The following HUNK variants were observed in gnomAD, a reference collection of about 807,000 sequenced individuals.
HUNK encodes the protein hormonally up-regulated neu tumor-associated kinase.
Under a neutral mutation model 61.0 loss-of-function variants are expected in HUNK, and 21 were observed. The observed-to-expected ratio is 0.34, with a 90% CI of 0.24 to 0.50. HUNK has a LOEUF of 0.50. HUNK is among the 20% of genes least tolerant of loss of function. The pLI, the probability that HUNK is intolerant of heterozygous loss-of-function variation, is 0.98. For missense variants in HUNK, 772 were observed against 945.7 expected, an observed-to-expected ratio of 0.82 and a Z score of 2.41; for synonymous variants, 371 against 386.1, an observed-to-expected ratio of 0.96 and a Z score of 0.46.
At chr21:31,986,181 G>T (rs1401705942) in intron 8 of HUNK, among the ~76,000 whole-genome samples, 1 of 151,928 alleles carries the variant, frequency 6.6e-6, no homozygotes. Flanking sequence ...AATCTAGCAC[G>T]CTCTGAACCA....
rs966458760 is a variant in HUNK at position 31,874,615 on chromosome 21, C to T, written c.261+680C>T. On this transcript the variant is annotated intron_variant, in intron 1 of 10. Coordinates refer to ENST00000270112, the MANE Select transcript of HUNK (RefSeq NM_014586.2). Reference sequence around the variant, plus strand: ...CCCCCTCATCACCCACCATTCTCATCCCCGCCATTCTCATCCCCTTCTCTC... The same window carrying T: ...CCCCCTCATCACCCACCATTCTCATTCCCGCCATTCTCATCCCCTTCTCTC... 4.3e-5 allele frequency among the ~76,000 whole-genome samples: 6 copies of T among 140,266 alleles called. No individual in the cohort carries two copies. In the South Asian group the frequency reaches 8.1e-4, roughly 19 times the overall value. 92.0% of individuals were successfully genotyped at this position (140,266 alleles called of 152,430 possible).
At chr21:31,943,960 C>T (rs1167863406) in intron 3 of HUNK, among the ~76,000 whole-genome samples, 2 of 152,236 alleles carry the variant, frequency 1.3e-5, no homozygotes, top group African/African-American at 2.4e-5. Context: ...ATGGTGCTGT[C>T]TCTCACAGTA....
At chr21:31,926,883 T>G (rs969583266) in intron 2 of HUNK, among the ~76,000 whole-genome samples, 1 of 152,114 alleles carries the variant, frequency 6.6e-6, no homozygotes, top group Admixed American at 6.5e-5. Flanking sequence ...TTTAAAAAAA[T>G]TCAACATTTA....
rs1246240478 is a variant in HUNK, at chr21:31,873,785, G to A, written c.111G>A (p.Leu37=). The A allele has an allele frequency of 1.3e-6, 2 of 1,530,868 alleles. No homozygotes were observed. Among genetic ancestry groups the A allele is most frequent in the Non-Finnish European group, 1.8e-6 (2 of 1,141,982 alleles). The allele number at this position is 1,530,868 out of a possible 1,614,324, so 94.8% of individuals were successfully genotyped here. Residue 37 remains leucine, a synonymous_variant, in exon 1 of 11, where the codon CTG becomes CTA. Transcript: ENST00000270112. This position sits in a 1 kb window ranked among gnomAD's most constrained non-coding sequence, Gnocchi z 6.1. The part of the protein sequence containing the change: ...RPAAACEGSF[L]PAWVSGVPRE... ...CGGCGGCCTGCGAGGGAAGTTTCCT[G>A]CCTGCCTGGGTGAGCGGCGTGCCCC...
intron 2 of HUNK, among the ~76,000 whole-genome samples, chr21:31,936,089 G>T (rs991198236): frequency 1.3e-5 from 2 of 152,148 alleles, no homozygotes; most frequent in Non-Finnish European, 2.9e-5. Context: ...GAGCCACCGC[G>T]CCCAACCTTA....
chr21:31,981,639 C>G (rs2053098170), intron 7 of HUNK, among the ~76,000 whole-genome samples: 1 of 151,952 alleles, frequency 6.6e-6, no homozygotes, highest in Non-Finnish European at 1.5e-5. Flanking sequence ...GCATTGCTTT[C>G]TTGATTTCAT....
chr21:31,899,385 G>A (rs1424351738), intron 1 of HUNK, among the ~76,000 whole-genome samples: 2 of 152,118 alleles, frequency 1.3e-5, no homozygotes, highest in Admixed American at 6.5e-5. Flanking sequence ...GCTTTGGCTT[G>A]TAGATGCCTC....
rs1387359278 is a variant in HUNK at position 32,003,484 on chromosome 21, T to G, written c.*4300T>G. ...GAAAGAATGCAAAACTGCTATCTTTTGGGGGAGTCTGGAAGCCTGTTGGTT... is the reference window on the plus strand; with the variant it reads ...GAAAGAATGCAAAACTGCTATCTTTGGGGGGAGTCTGGAAGCCTGTTGGTT... On this transcript the variant is annotated 3_prime_UTR_variant, in exon 11 of 11. Transcript: ENST00000270112. The G allele has an allele frequency of 6.6e-6, 1 of 152,192 alleles. No individual in the cohort carries two copies. Among genetic ancestry groups the G allele is most frequent in the Non-Finnish European group, 1.5e-5 (1 of 68,030 alleles). The allele number at this position is 152,192 out of a possible 1,614,324, so 9.4% of individuals were successfully genotyped here. A position where few individuals can be genotyped will look rare whatever the true frequency, so the allele number is the denominator to read the frequency against.
intron 1 of HUNK, among the ~76,000 whole-genome samples, chr21:31,908,748 C>T (rs1331082682): frequency 1.3e-5 from 2 of 152,148 alleles, no homozygotes; most frequent in Non-Finnish European, 2.9e-5. Context: ...TTGAGGCTTC[C>T]TCTCTGTTGT....
intron 1 of HUNK, among the ~76,000 whole-genome samples, chr21:31,916,717 C>T (rs1319019566): frequency 1.3e-5 from 2 of 151,676 alleles, no homozygotes; most frequent in African/African-American, 4.8e-5. Context: ...TGCTCTGTCA[C>T]CCAGGCTGGA....
Position 31,924,374 on chromosome 21 carries a change from A to G in HUNK, c.262-94A>G. 8.9e-7 allele frequency: 1 copy of G among 1,119,386 alleles called. No homozygotes were observed. The highest frequency in any genetic ancestry group is 1.3e-6 in the Non-Finnish European group (1 of 785,210). 69.3% of individuals were successfully genotyped at this position (1,119,386 alleles called of 1,614,324 possible). ...TAAGGTGTTTCTCCTCTGCAGAGACATAGCTAGCATTTTTCTTGGGTTCCT... is the reference window on the plus strand; with the variant it reads ...TAAGGTGTTTCTCCTCTGCAGAGACGTAGCTAGCATTTTTCTTGGGTTCCT... On this transcript the variant is annotated intron_variant, in intron 1 of 10. Transcript: ENST00000270112. This position sits in a 1 kb window ranked among gnomAD's most constrained non-coding sequence, Gnocchi z 5.1.
intron 7 of HUNK, among the ~76,000 whole-genome samples, chr21:31,980,877 T>C (rs1021221947): frequency 9.9e-5 from 15 of 152,206 alleles, no homozygotes; most frequent in African/African-American, 3.6e-4. Flanking sequence ...GGTAATTTTG[T>C]ATTTTTAGTA....
chr21:31,977,936 A>T (rs1477019133), intron 7 of HUNK, among the ~76,000 whole-genome samples: 1 of 152,208 alleles, frequency 6.6e-6, no homozygotes, highest in Non-Finnish European at 1.5e-5. Context: ...GGGCTCAAGC[A>T]GTCCGCCCGC....
At chr21:31,906,690 A>G (rs2052507902) in intron 1 of HUNK, among the ~76,000 whole-genome samples, 2 of 152,124 alleles carry the variant, frequency 1.3e-5, no homozygotes, top group African/African-American at 4.8e-5. Flanking sequence ...TCAGCCTCCT[A>G]AAGTGCTGGG....
intron 1 of HUNK, among the ~76,000 whole-genome samples, chr21:31,885,766 G>T (rs1476372580): frequency 2.6e-5 from 4 of 151,976 alleles, no homozygotes; most frequent in African/African-American, 9.7e-5. Flanking sequence ...ACAGAGACTT[G>T]CTCTGTTGCC....
chr21:31,944,164 T>C (rs1173772623), intron 3 of HUNK, among the ~76,000 whole-genome samples: 2 of 152,214 alleles, frequency 1.3e-5, no homozygotes, highest in Non-Finnish European at 2.9e-5. Flanking sequence ...ACTGCAACTT[T>C]TGCCTCTTGG....
At chr21:31,992,519 ACTGTG>A (rs2053178170) in intron 9 of HUNK, among the ~76,000 whole-genome samples, 1 of 152,196 alleles carries the variant, frequency 6.6e-6, no homozygotes, top group Admixed American at 6.5e-5. Context: ...GGGATTTGGA[ACTGTG>A]CCATGAAGGT....
intron 3 of HUNK, among the ~76,000 whole-genome samples, chr21:31,941,255 A>G (rs2052766534): frequency 6.6e-6 from 1 of 152,056 alleles, no homozygotes; most frequent in Non-Finnish European, 1.5e-5. Context: ...AGAAGAATCT[A>G]TTCTTAGAAG....
At chr21:31,932,002 T>C (rs753034433) in intron 2 of HUNK, among the ~76,000 whole-genome samples, 27 of 149,780 alleles carry the variant, frequency 1.8e-4, no homozygotes, top group Admixed American at 4.7e-4. Context: ...ATGCAACACG[T>C]ATGTGCAAAC....
Sources: allele counts gnomAD v4.1 joint callset (sites outside exome capture counted in the v4.1 genomes callset), GRCh38; gene constraint gnomAD v4.1.1; non-coding constraint Gnocchi (gnomAD v3.1); transcripts MANE v1.5; gene names NCBI Gene and HGNC (gene_info 2026-07-23, HGNC 2026-07-21).